Variants in LMO7 observed in about 807,000 individuals in gnomAD.
LMO7 encodes the protein LIM domain 7, also known as LIM domain only protein 7.
In LMO7, 120 loss-of-function variants were observed where a neutral mutation model predicts 206.5. That is an observed-to-expected ratio of 0.58 (90% CI 0.50 to 0.68). LMO7 has a LOEUF of 0.68. Among genes scored for constraint, LMO7 ranks in the 30% least tolerant of loss-of-function variants. The pLI, the probability that LMO7 is intolerant of heterozygous loss-of-function variation, is 0.00. For synonymous variants in LMO7, 706 were observed against 681.5 expected, an observed-to-expected ratio of 1.04 and a Z score of -0.56; for missense variants, 1,959 against 1,957.9, an observed-to-expected ratio of 1.00 and a Z score of -0.01.
intron 25 of LMO7, 44 bp from the exon 26 acceptor site, chr13:75,845,283 T>A (rs773909050): frequency 3.3e-6 from 3 of 909,986 alleles, no homozygotes; most frequent in Non-Finnish European, 4.9e-6. Context: ...ATAAAGGAGG[T>A]TATTTAATGA....
chr13:75,776,644 T>G (rs998342211), intron 4 of LMO7, among the ~76,000 whole-genome samples: 1 of 152,182 alleles, frequency 6.6e-6, no homozygotes, highest in Non-Finnish European at 1.5e-5. Flanking sequence ...GTAAAAAAGT[T>G]ATTAGCCTTC....
In LMO7 at chr13:75,819,420, A is replaced by C; in HGVS notation, c.2092A>C (p.Lys698Gln). Reference protein sequence around the residue: ...DDLAKWKDRRKSYTSDLQKKK... With the variant: ...DDLAKWKDRRQSYTSDLQKKK... ...CCTTGCAAAATGGAAAGATCGTCGA[A>C]AAAGTTACACTTCAGATCTGCAGAA... is the stretch of plus-strand genomic sequence containing the variant. Residue 698 changes from lysine to glutamine, a missense_variant, in exon 13 of 31, where the codon AAA (lysine) becomes CAA (glutamine). Coordinates refer to ENST00000377534, the MANE Select transcript of LMO7 (RefSeq NM_001306080.2). 1 of 1,607,182 alleles carries C rather than the reference A, an allele frequency of 6.2e-7. No individual in the cohort carries two copies. Among genetic ancestry groups the C allele is most frequent in the South Asian group, 1.1e-5 (1 of 89,648 alleles).
intron 27 of LMO7, among the ~76,000 whole-genome samples, chr13:75,851,836 T>C (rs2060525866): frequency 6.6e-6 from 1 of 152,130 alleles, no homozygotes; most frequent in South Asian, 2.1e-4. Flanking sequence ...AATTTAGGGA[T>C]TCAGGTGCTA....
Position 75,696,039 on chromosome 13 carries a change from C to T in LMO7, c.70-17143C>T, listed in dbSNP as rs200395076. On this transcript the variant is annotated intron_variant, in intron 1 of 30. Transcript: ENST00000377534. ...CAGAGAACAGAAACTGATTTCATGC[C>T]TGATTTCCTTACATTTCCAGTAAAG... Among the ~76,000 whole-genome samples, 11 of 152,286 alleles carry T rather than the reference C, an allele frequency of 7.2e-5. No homozygotes were observed. The East Asian group carries it at 2.1e-3, about 29-fold the overall frequency.
rs138484031 is a variant in LMO7 at position 75,662,100 on chromosome 13, A to G, written c.69+25374A>G. Among the ~76,000 whole-genome samples the G allele has an allele frequency of 5.9e-5, 9 of 152,310 alleles. No individual in the cohort carries two copies. In the East Asian group the frequency reaches 1.7e-3, roughly 29 times the overall value. Reference sequence around the variant, plus strand: ...CACCTTCAGTCATATGTTAAACTTTATGGATCAAGACTTATTTTCTGACAA... The same window carrying G: ...CACCTTCAGTCATATGTTAAACTTTGTGGATCAAGACTTATTTTCTGACAA... On this transcript the variant is annotated intron_variant, in intron 1 of 30. Coordinates refer to ENST00000377534, the MANE Select transcript of LMO7 (RefSeq NM_001306080.2).
intron 1 of LMO7, among the ~76,000 whole-genome samples, chr13:75,649,015 C>T (rs1276685402): frequency 6.6e-6 from 1 of 152,056 alleles, no homozygotes; most frequent in African/African-American, 2.4e-5. Flanking sequence ...AAAGTTGATG[C>T]GTGGGAGGTA....
At chr13:75,765,737 G>A (rs2048786282) in intron 4 of LMO7, among the ~76,000 whole-genome samples, 1 of 152,168 alleles carries the variant, frequency 6.6e-6, no homozygotes, top group Non-Finnish European at 1.5e-5. Flanking sequence ...CAGGTCTGAT[G>A]CTGGGACAAG....
chr13:75,777,118 G>A (rs1191247823), intron 4 of LMO7, among the ~76,000 whole-genome samples: 1 of 152,158 alleles, frequency 6.6e-6, no homozygotes. Context: ...GCATCTCATC[G>A]CCAGCTCAGC....
intron 3 of LMO7, among the ~76,000 whole-genome samples, chr13:75,743,409 T>C (rs554557619): frequency 1.3e-5 from 2 of 152,294 alleles, no homozygotes; most frequent in African/African-American, 2.4e-5. Context: ...TTTATGTTCA[T>C]TGCAGCACAA....
chr13:75,814,298 A>G (rs894624850), intron 11 of LMO7, among the ~76,000 whole-genome samples: 1 of 152,228 alleles, frequency 6.6e-6, no homozygotes, highest in African/African-American at 2.4e-5. Context: ...TAGACATTGA[A>G]TGAGTATATC....
intron 3 of LMO7, chr13:75,760,582 GGAAA>G (rs2048082834): frequency 7.3e-7 from 1 of 1,362,746 alleles, no homozygotes; most frequent in African/African-American, 1.5e-5. Flanking sequence ...GTGCAAAGCT[GGAAA>G]GAGGGCGTTT....
At chr13:75,721,821 A>G (rs2044046082) in intron 2 of LMO7, among the ~76,000 whole-genome samples, 1 of 152,214 alleles carries the variant, frequency 6.6e-6, no homozygotes, top group African/African-American at 2.4e-5. Flanking sequence ...TATTTTGATA[A>G]GTCATTGTTT....
At chr13:75,686,180 C>A (rs1455487585) in intron 1 of LMO7, among the ~76,000 whole-genome samples, 1 of 152,062 alleles carries the variant, frequency 6.6e-6, no homozygotes, top group African/African-American at 2.4e-5. Context: ...CATTTTCACG[C>A]TACTGATAAG....
Position 75,800,869 on chromosome 13 carries a change from A to T in LMO7, c.648A>T (p.Arg216Ser), listed in dbSNP as rs747084027. The T allele has an allele frequency of 2.5e-6, 4 of 1,613,800 alleles. No homozygotes were observed. In the Admixed American group the frequency reaches 6.7e-5, roughly 27 times the overall value. The change falls in exon 7 of 31, where the codon AGA (arginine) becomes AGT (serine). Residue 216 changes from arginine (R) to serine (S), a missense_variant. Physicochemically the swap from Arg to Ser is moderately radical, Grantham distance 110 (BLOSUM62 -1). Coordinates refer to ENST00000377534, the MANE Select transcript of LMO7 (RefSeq NM_001306080.2). ...LTSCSSDITL[R>S]GGREGFESDT... ...GCTGCTCCTCTGATATCACGTTGAG[A>T]GGGGGGCGTGAAGGTGTGTTGTGTT...
chr13:75,775,246 T>C (rs11842375), intron 4 of LMO7, among the ~76,000 whole-genome samples: 1,555 of 152,154 alleles, frequency 0.01, 31 homozygotes, highest in African/African-American at 0.033. Context: ...CTGGGAAAAC[T>C]GGATAGCCAT....
chr13:75,721,377 G>A (rs1380849706), intron 2 of LMO7, among the ~76,000 whole-genome samples: 1 of 152,126 alleles, frequency 6.6e-6, no homozygotes, highest in Non-Finnish European at 1.5e-5. Flanking sequence ...CTAAGTGCTA[G>A]GCGATGCTGT....
intron 2 of LMO7, among the ~76,000 whole-genome samples, chr13:75,716,748 A>G (rs1462390172): frequency 6.6e-6 from 1 of 152,160 alleles, no homozygotes; most frequent in Non-Finnish European, 1.5e-5. Context: ...ATCAGTGTCC[A>G]TGATCTTATT....
rs1194994652 is a variant in LMO7 at position 75,855,259 on chromosome 13, G to A, written c.4662-1G>A. 2 of 1,605,032 alleles carry A rather than the reference G, an allele frequency of 1.2e-6. No homozygotes were observed. Among genetic ancestry groups the A allele is most frequent in the Non-Finnish European group, 1.7e-6 (2 of 1,172,092 alleles). On this transcript the variant is annotated splice_acceptor_variant, in intron 28 of 30. Transcript: ENST00000377534. LOFTEE classifies it high-confidence loss of function. ...CCATTCCATTCTTGTTCTGCATCTA[G>A]GTCAGTCAGTGGGAAGCGCATATGC...
chr13:75,669,663 T>C (rs1292239493), intron 1 of LMO7, among the ~76,000 whole-genome samples: 2 of 152,092 alleles, frequency 1.3e-5, no homozygotes, highest in African/African-American at 2.4e-5. Flanking sequence ...ATGTACTGAG[T>C]TGTTTTAGTT....
Sources: allele counts gnomAD v4.1 joint callset (sites outside exome capture counted in the v4.1 genomes callset), GRCh38; gene constraint gnomAD v4.1.1; transcripts MANE v1.5; gene names NCBI Gene and HGNC (gene_info 2026-07-23, HGNC 2026-07-21).